The following TTC7B variants were observed in gnomAD, a reference collection of about 807,000 sequenced individuals.
TTC7B encodes the protein tetratricopeptide repeat protein 7B.
TTC7B carries 28 observed loss-of-function variants against 106.8 expected under a neutral mutation model. The ratio of observed to expected loss-of-function variants is 0.26; its 90% CI spans 0.19 to 0.36. TTC7B has a LOEUF of 0.36. TTC7B is among the 10% of genes least tolerant of loss of function. The pLI, the probability that TTC7B is intolerant of heterozygous loss-of-function variation, is 1.00. For synonymous variants in TTC7B, 405 were observed against 430.6 expected, an observed-to-expected ratio of 0.94 and a Z score of 0.74; for missense variants, 862 against 1,076.4, an observed-to-expected ratio of 0.80 and a Z score of 2.79.
chr14:90,666,188 T>A (rs1215831780), intron 9 of TTC7B, among the ~76,000 whole-genome samples: 2 of 152,136 alleles, frequency 1.3e-5, no homozygotes, highest in East Asian at 3.8e-4. Flanking sequence ...TTAGATAGAG[T>A]TTTGCTCTTG....
At chr14:90,714,179 G>A (rs544112198) in intron 5 of TTC7B, among the ~76,000 whole-genome samples, 5 of 151,322 alleles carry the variant, frequency 3.3e-5, no homozygotes, top group Admixed American at 6.6e-5. Context: ...GCAGTGAGCC[G>A]AGATCACGTC....
At chr14:90,809,020 A>G (rs536898729) in intron 1 of TTC7B, among the ~76,000 whole-genome samples, 2 of 152,226 alleles carry the variant, frequency 1.3e-5, no homozygotes, top group African/African-American at 4.8e-5. Flanking sequence ...ATTCTCTCAC[A>G]TAACAGGAAG....
chr14:90,617,798 T>C, intron 16 of TTC7B, 131 bp downstream of exon 16: 1 of 696,066 alleles, frequency 1.4e-6, no homozygotes, highest in East Asian at 2.5e-5. Flanking sequence ...TGCTATCATC[T>C]GCCACTTGTG....
intron 5 of TTC7B, among the ~76,000 whole-genome samples, chr14:90,706,240 G>A (rs1888206485): frequency 1.3e-5 from 2 of 149,186 alleles, no homozygotes; most frequent in Non-Finnish European, 2.9e-5. Flanking sequence ...TCGGCTCACT[G>A]CAAGCTCCAC....
At chr14:90,755,111 C>T (rs1454452153) in intron 3 of TTC7B, among the ~76,000 whole-genome samples, 1 of 152,164 alleles carries the variant, frequency 6.6e-6, no homozygotes, top group Non-Finnish European at 1.5e-5. Flanking sequence ...CATTCATCAG[C>T]TGATGAACAA....
chr14:90,718,755 A>G (rs1888757541), intron 5 of TTC7B, among the ~76,000 whole-genome samples: 1 of 151,706 alleles, frequency 6.6e-6, no homozygotes, highest in African/African-American at 2.4e-5. Context: ...AATGAAAAGT[A>G]CATCCATTTA....
intron 4 of TTC7B, among the ~76,000 whole-genome samples, chr14:90,739,250 C>A (rs1278682228): frequency 6.6e-6 from 1 of 152,336 alleles, no homozygotes; most frequent in South Asian, 2.1e-4. Flanking sequence ...AAGCTATGAA[C>A]TGTCCCCTTC....
intron 1 of TTC7B, among the ~76,000 whole-genome samples, chr14:90,806,506 C>T (rs953204990): frequency 6.6e-6 from 1 of 152,248 alleles, no homozygotes; most frequent in African/African-American, 2.4e-5. Flanking sequence ...ACCTTTCCAT[C>T]CTACTTCCAC....
intron 1 of TTC7B, among the ~76,000 whole-genome samples, chr14:90,798,002 C>G (rs2029986944): frequency 6.6e-6 from 1 of 152,166 alleles, no homozygotes; most frequent in Admixed American, 6.5e-5. Flanking sequence ...TGTCCCTGGG[C>G]TTGACCCCAG....
intron 5 of TTC7B, among the ~76,000 whole-genome samples, chr14:90,706,783 T>A (rs1196334094): frequency 6.6e-6 from 1 of 152,212 alleles, no homozygotes; most frequent in Non-Finnish European, 1.5e-5. Context: ...GTTTCTTTTA[T>A]TGAAAGCTGA....
At chr14:90,593,084 T>C (rs946898672) in intron 18 of TTC7B, among the ~76,000 whole-genome samples, 3 of 152,302 alleles carry the variant, frequency 2.0e-5, no homozygotes, top group African/African-American at 7.2e-5. Flanking sequence ...TCATACAGAA[T>C]TGGAAACTGA....
At chr14:90,603,646 C>T (rs1595196698) in intron 17 of TTC7B, among the ~76,000 whole-genome samples, 1 of 152,180 alleles carries the variant, frequency 6.6e-6, no homozygotes, top group Admixed American at 6.5e-5. Flanking sequence ...CACACATTAA[C>T]CCTAATCATG....
At chr14:90,629,110 A>C (rs961029629) in intron 15 of TTC7B, among the ~76,000 whole-genome samples, 3 of 152,258 alleles carry the variant, frequency 2.0e-5, no homozygotes, top group Non-Finnish European at 4.4e-5. Flanking sequence ...AGGTGTTCAA[A>C]GGACAGTGAA....
rs1243086453 is a variant in TTC7B, at chr14:90,816,388, G to GGGCTCC, written c.-99_-94dup. 2.9e-6 allele frequency: 2 copies of GGGCTCC among 687,326 alleles called. No homozygotes were observed. The highest frequency in any genetic ancestry group is 3.6e-6 in the Non-Finnish European group (2 of 561,278). The allele number at this position is 687,326 out of a possible 1,614,324, so 42.6% of individuals were successfully genotyped here. On this transcript the variant is annotated 5_prime_UTR_variant, in exon 1 of 20. Transcript: ENST00000328459. ...CGCCTCCCGCCGCCGCCGCGGGCTC[G>GGGCTCC]GGCTCCGGCTCCCGGCTCCGCGGCG...
chr14:90,772,011 T>G (rs1595362959), intron 3 of TTC7B, among the ~76,000 whole-genome samples: 1 of 146,742 alleles, frequency 6.8e-6, no homozygotes, highest in African/African-American at 2.5e-5. Flanking sequence ...ATATTATAAA[T>G]AAAGAAATAT....
rs1205408101 is a variant in TTC7B at position 90,600,162 on chromosome 14, A to C, written c.1967-6536T>G. Among the ~76,000 whole-genome samples, 3 of 152,204 alleles carry C rather than the reference A, an allele frequency of 2.0e-5. No individual in the cohort carries two copies. The highest frequency in any genetic ancestry group is 7.2e-5 in the African/African-American group (3 of 41,444). On this transcript the variant is annotated intron_variant, in intron 17 of 19. Coordinates refer to ENST00000328459, the MANE Select transcript of TTC7B (RefSeq NM_001010854.2). This position sits in a 1 kb window ranked among gnomAD's most constrained non-coding sequence, Gnocchi z 4.3. Reference sequence around the variant, plus strand: ...AGTGTCCACTCCCACTTCGGCCCTCAAAGCAGGCATATTTCTCCATACCTT... The same window carrying C: ...AGTGTCCACTCCCACTTCGGCCCTCCAAGCAGGCATATTTCTCCATACCTT...
intron 19 of TTC7B, among the ~76,000 whole-genome samples, chr14:90,565,008 G>A (rs143202366): frequency 6.6e-6 from 1 of 152,204 alleles, no homozygotes; most frequent in Non-Finnish European, 1.5e-5. Flanking sequence ...TGCACTTGTT[G>A]CTTCACTTTG....
rs1373335156 is a variant in TTC7B, at chr14:90,531,631, A to C, written c.*9737T>G. On this transcript the variant is annotated 3_prime_UTR_variant, in exon 20 of 20. Transcript: ENST00000328459. ...CGAAACTCCTTCTCAAAAAAAAAAA[A>C]AAAAAAAAAAAAGCCGTGGGTGAAC... The C allele has an allele frequency of 1.3e-5, 2 of 152,220 alleles. No homozygotes were observed. Among genetic ancestry groups the C allele is most frequent in the Non-Finnish European group, 2.9e-5 (2 of 68,416 alleles). 9.4% of individuals were successfully genotyped at this position (152,220 alleles called of 1,614,324 possible).
chr14:90,745,240 G>A (rs1889916899), intron 3 of TTC7B, among the ~76,000 whole-genome samples: 1 of 148,368 alleles, frequency 6.7e-6, no homozygotes, highest in Admixed American at 6.8e-5. Context: ...AGACTGCAGT[G>A]AGCCATGACT....
Sources: gnomAD v4.1 joint callset for allele counts (sites outside exome capture counted in the v4.1 genomes callset) on GRCh38, gnomAD v4.1.1 for gene constraint, Gnocchi (gnomAD v3.1) non-coding constraint, MANE v1.5 for transcripts, NCBI Gene and HGNC (gene_info 2026-07-23, HGNC 2026-07-21) for gene names.